The following PAX2 variants were observed in gnomAD, a reference collection of about 807,000 sequenced individuals.
PAX2 encodes the protein paired box protein Pax-2.
Under a neutral mutation model 41.7 loss-of-function variants are expected in PAX2, and 9 were observed. The observed-to-expected ratio is 0.22, with a 90% CI of 0.13 to 0.38. PAX2 has a LOEUF of 0.38. Among genes scored for constraint, PAX2 ranks in the 10% least tolerant of loss-of-function variants. PAX2 has a pLI of 1.00. For missense variants in PAX2, 418 were observed against 531.6 expected (o/e 0.79, Z 2.10); for synonymous variants, 221 against 212.7 (o/e 1.04, Z -0.34).
chr10:100,827,688 A>C lies in PAX2; in HGVS notation c.*69A>C. The C allele has an allele frequency of 6.2e-7, 1 of 1,610,860 alleles. No individual in the cohort carries two copies. Among genetic ancestry groups the C allele is most frequent in the Non-Finnish European group, 8.5e-7 (1 of 1,178,932 alleles). On this transcript the variant is annotated 3_prime_UTR_variant, in exon 10 of 10. Transcript: ENST00000355243. This position sits in a 1 kb window ranked among gnomAD's most constrained non-coding sequence, Gnocchi z 8.5. ...CTCCACATCGTCCCCGTCTGACCCC[A>C]CCCCGGAGGGAGGGAGGACCGACGC...
upstream of PAX2, among the ~76,000 whole-genome samples, chr10:100,742,843 C>CTTTTTTTTTTTTTT (rs61627823): frequency 4.3e-3 from 178 of 41,258 alleles, 62 homozygotes; most frequent in East Asian, 8.9e-3. Context: ...TTCTTTCTTC[C>CTTTTTTTTTTTTTT]TTTTTTTTTT....
At chr10:100,794,918 G>A (rs1191618742) in intron 5 of PAX2, among the ~76,000 whole-genome samples, 2 of 152,010 alleles carry the variant, frequency 1.3e-5, no homozygotes, top group East Asian at 1.9e-4. Flanking sequence ...ATTTCACCTT[G>A]TTGGTTTGGG....
In PAX2 at chr10:100,829,355, G is replaced by C. The variant is rs28416225; in HGVS notation, c.*1736G>C. On this transcript the variant is annotated 3_prime_UTR_variant, in exon 10 of 10. Coordinates refer to ENST00000355243, the MANE Select transcript of PAX2 (RefSeq NM_000278.5). Reference sequence around the variant, plus strand: ...TCCCCAGACCTGGCCCGGCCGCCCTGTCTCCGCAGGCTAGATCCGAGGTGG... The same window carrying C: ...TCCCCAGACCTGGCCCGGCCGCCCTCTCTCCGCAGGCTAGATCCGAGGTGG... 1 of 216,336 alleles carries C rather than the reference G, an allele frequency of 4.6e-6. No homozygotes were observed. Among genetic ancestry groups the C allele is most frequent in the Admixed American group, 5.8e-5 (1 of 17,204 alleles). 13.4% of individuals were successfully genotyped at this position (216,336 alleles called of 1,614,324 possible).
intron 1 of PAX2, among the ~76,000 whole-genome samples, chr10:100,740,472 A>C (rs1216630861): frequency 1.3e-5 from 2 of 152,250 alleles, no homozygotes; most frequent in Non-Finnish European, 2.9e-5. Context: ...AGGAATCCCC[A>C]GTAACCTTTA....
upstream of PAX2, among the ~76,000 whole-genome samples, chr10:100,742,451 A>T (rs1589801284): frequency 6.6e-6 from 1 of 151,158 alleles, no homozygotes; most frequent in Admixed American, 6.6e-5. Flanking sequence ...TGGAGGGCGG[A>T]GGCAAGGTTG....
intron 3 of PAX2, among the ~76,000 whole-genome samples, chr10:100,769,626 GAATAAAATAAAATAA>G (rs60896393): frequency 1.0e-3 from 132 of 126,994 alleles, no homozygotes; most frequent in Admixed American, 3.1e-3. Context: ...ATCTCAAAAA[GAATAAAATAAAATAA>G]AATAAAATAA....
chr10:100,792,509 C>T (rs1847164048), intron 5 of PAX2, among the ~76,000 whole-genome samples: 1 of 152,226 alleles, frequency 6.6e-6, no homozygotes, highest in Non-Finnish European at 1.5e-5. Context: ...CATGTCTGCT[C>T]TATTCAAATT....
chr10:100,744,381 G>A (rs547793268), upstream of PAX2, among the ~76,000 whole-genome samples: 5 of 152,368 alleles, frequency 3.3e-5, no homozygotes, highest in East Asian at 3.9e-4. Flanking sequence ...TTTATGAGAC[G>A]AGGGAAAATA....
intron 5 of PAX2, among the ~76,000 whole-genome samples, chr10:100,799,557 C>T (rs763396491): frequency 4.6e-5 from 7 of 152,146 alleles, no homozygotes; most frequent in East Asian, 1.9e-4. Flanking sequence ...CTTCAGAGTC[C>T]GACATCCCTG....
intron 3 of PAX2, among the ~76,000 whole-genome samples, chr10:100,776,514 C>T (rs531955583): frequency 2.0e-5 from 3 of 152,340 alleles, no homozygotes; most frequent in South Asian, 4.1e-4. Context: ...TTTGCAAGGT[C>T]AGTTTCTTTT....
rs780728141 is a variant in PAX2, at chr10:100,824,353, T to TACAGATACACAC, written c.920-292_920-291insGATACACACACA. Among the ~76,000 whole-genome samples the TACAGATACACAC allele has an allele frequency of 3.7e-5, 5 of 135,574 alleles. No individual in the cohort carries two copies. The East Asian group carries it at 1.1e-3, about 31-fold the overall frequency. 88.9% of individuals were successfully genotyped at this position (135,574 alleles called of 152,430 possible). A position where few individuals can be genotyped will look rare whatever the true frequency, so the allele number is the denominator to read the frequency against. On this transcript the variant is annotated intron_variant, in intron 7 of 9. Coordinates refer to ENST00000355243, the MANE Select transcript of PAX2 (RefSeq NM_000278.5). This position sits in a 1 kb window ranked among gnomAD's most constrained non-coding sequence, Gnocchi z 6.6. ...GCACAGAGACACAGGCAAAGGCAGA[T>TACAGATACACAC]ACACACACACACACACACACACACA...
intron 7 of PAX2, among the ~76,000 whole-genome samples, chr10:100,810,094 C>T (rs1465686010): frequency 2.0e-5 from 3 of 152,046 alleles, no homozygotes; most frequent in African/African-American, 7.3e-5. Flanking sequence ...CCTTGGGAGA[C>T]AGGATGATTG....
chr10:100,790,870 G>C (rs1489136420), intron 5 of PAX2, among the ~76,000 whole-genome samples: 1 of 152,198 alleles, frequency 6.6e-6, no homozygotes, highest in East Asian at 1.9e-4. Context: ...AGAGGGCTGG[G>C]GGAGGGCTGG....
At chr10:100,821,991 A>G (rs1269957993) in intron 7 of PAX2, among the ~76,000 whole-genome samples, 1 of 152,122 alleles carries the variant, frequency 6.6e-6, no homozygotes, top group Non-Finnish European at 1.5e-5. Flanking sequence ...CTAGGAATTG[A>G]TTTTGATATT....
chr10:100,790,865 G>C (rs1192297232), intron 5 of PAX2, among the ~76,000 whole-genome samples: 3 of 152,190 alleles, frequency 2.0e-5, no homozygotes, highest in Non-Finnish European at 4.4e-5. Context: ...GGCATAGAGG[G>C]CTGGGGGAGG....
chr10:100,807,245 C>A (rs1232958172), intron 6 of PAX2, among the ~76,000 whole-genome samples: 2 of 152,112 alleles, frequency 1.3e-5, no homozygotes, highest in Non-Finnish European at 2.9e-5. Context: ...CCGAACTTTT[C>A]TATGTGCTGG....
intron 7 of PAX2, among the ~76,000 whole-genome samples, chr10:100,823,439 G>C (rs1848434903): frequency 6.6e-6 from 1 of 152,212 alleles, no homozygotes; most frequent in Non-Finnish European, 1.5e-5. Flanking sequence ...TCTTCAAAGG[G>C]AGAGTAGCAA....
chr10:100,794,249 G>T (rs1264784027), intron 5 of PAX2, among the ~76,000 whole-genome samples: 1 of 152,212 alleles, frequency 6.6e-6, no homozygotes, highest in Non-Finnish European at 1.5e-5. Context: ...CAAGTCATGC[G>T]GGTTGAGGGA....
chr10:100,822,730 C>T (rs1370215261), intron 7 of PAX2, among the ~76,000 whole-genome samples: 2 of 151,990 alleles, frequency 1.3e-5, no homozygotes, highest in Non-Finnish European at 1.5e-5. Flanking sequence ...AGAGGAAAAC[C>T]GTAAGGAAGA....
Sources: gnomAD v4.1 joint callset for allele counts (sites outside exome capture counted in the v4.1 genomes callset) on GRCh38, gnomAD v4.1.1 for gene constraint, Gnocchi (gnomAD v3.1) non-coding constraint, MANE v1.5 for transcripts, NCBI Gene and HGNC (gene_info 2026-07-23, HGNC 2026-07-21) for gene names.